The following SEL1L3 variants were observed in gnomAD, a reference collection of about 807,000 sequenced individuals.
SEL1L3 encodes SEL1L family member 3.
A neutral mutation model predicts 142.8 loss-of-function variants in SEL1L3; 76 were observed. That is an observed-to-expected ratio of 0.53 (90% CI 0.44 to 0.64). SEL1L3 has a LOEUF of 0.64. Ranked by LOEUF, SEL1L3 falls within the 30% of genes least tolerant of loss-of-function variation. The probability of loss-of-function intolerance (pLI) is 0.00; values close to 1 mark genes in which losing one functional copy is unlikely to be tolerated. For synonymous variants in SEL1L3, 504 were observed against 519.6 expected, an observed-to-expected ratio of 0.97 and a Z score of 0.41; for missense variants, 1,262 against 1,381.7, an observed-to-expected ratio of 0.91 and a Z score of 1.37.
chr4:25,815,308 G>A (rs553257165), intron 9 of SEL1L3, among the ~76,000 whole-genome samples: 6 of 152,302 alleles, frequency 3.9e-5, no homozygotes, highest in African/African-American at 7.2e-5. Context: ...GAAGTCTAAC[G>A]GAGGTCAGCA....
At chr4:25,829,384 A>AC (rs1339466433) in intron 6 of SEL1L3, among the ~76,000 whole-genome samples, 1 of 152,208 alleles carries the variant, frequency 6.6e-6, no homozygotes, top group Non-Finnish European at 1.5e-5. Flanking sequence ...TGCATTTATT[A>AC]CCCCAATAAA....
chr4:25,837,709 A>T (rs1301792281), intron 2 of SEL1L3, among the ~76,000 whole-genome samples: 1 of 152,134 alleles, frequency 6.6e-6, no homozygotes, highest in Non-Finnish European at 1.5e-5. Flanking sequence ...GGTAATGAAC[A>T]AGAATTAATT....
chr4:25,838,953 C>T lies in SEL1L3; in HGVS notation c.734-3630G>A, dbSNP rs117498100. 2.6e-4 allele frequency among the ~76,000 whole-genome samples: 40 copies of T among 152,284 alleles called. No homozygotes were observed. The East Asian group carries it at 6.2e-3, about 24-fold the overall frequency. On this transcript the variant is annotated intron_variant, in intron 2 of 23. Coordinates refer to ENST00000399878, the MANE Select transcript of SEL1L3 (RefSeq NM_015187.5). ...ACAAAACCCCACTCCAGATGTGCTT[C>T]GAACACACAGCAATGAAGCCACTGA...
At chr4:25,851,746 G>A (rs28545569) in intron 1 of SEL1L3, among the ~76,000 whole-genome samples, 19,176 of 151,800 alleles carry the variant, frequency 0.13, 4,065 homozygotes, top group African/African-American at 0.44. Flanking sequence ...AATATTAACC[G>A]GGCGTGGTGG....
chr4:25,791,037 G>A (rs1024265972), intron 11 of SEL1L3, among the ~76,000 whole-genome samples: 5 of 152,180 alleles, frequency 3.3e-5, no homozygotes, highest in Admixed American at 1.3e-4. Flanking sequence ...TTGAGAAACC[G>A]AAGTTATTTC....
the SEL1L3 span, among the ~76,000 whole-genome samples, chr4:25,725,943 C>T: frequency 6.6e-6 from 1 of 152,250 alleles, no homozygotes; most frequent in African/African-American, 2.4e-5. Flanking sequence ...CTACTGCATC[C>T]TGTTTTATCA....
intron 4 of SEL1L3, 40 bp from the exon 5 acceptor site, chr4:25,833,150 T>A (rs1204261294): frequency 1.8e-6 from 2 of 1,122,924 alleles, no homozygotes; most frequent in Non-Finnish European, 2.7e-6. Context: ...GAGCAAAAAA[T>A]ATCTACGAGT....
the SEL1L3 span, among the ~76,000 whole-genome samples, chr4:25,733,486 T>C: frequency 6.6e-6 from 1 of 151,704 alleles, no homozygotes; most frequent in Non-Finnish European, 1.5e-5. Flanking sequence ...GATAAGATCA[T>C]GTAGTTGTTA....
At chr4:25,758,457 C>A (rs144127101) in intron 21 of SEL1L3, among the ~76,000 whole-genome samples, 1 of 152,146 alleles carries the variant, frequency 6.6e-6, no homozygotes, top group Admixed American at 6.6e-5. Context: ...GGTGACAAAG[C>A]AAGGCCCTGT....
At chr4:25,797,056 G>A (rs1380056714) in intron 11 of SEL1L3, among the ~76,000 whole-genome samples, 1 of 151,198 alleles carries the variant, frequency 6.6e-6, no homozygotes, top group Non-Finnish European at 1.5e-5. Context: ...GAGAGAGAAA[G>A]AGGAGAGGGA....
At chr4:25,819,233 G>C (rs563305043) in intron 8 of SEL1L3, among the ~76,000 whole-genome samples, 1 of 152,192 alleles carries the variant, frequency 6.6e-6, no homozygotes, top group Non-Finnish European at 1.5e-5. Context: ...GTGAGTAAAA[G>C]GATGTCTGTG....
intron 10 of SEL1L3, among the ~76,000 whole-genome samples, chr4:25,802,767 G>C (rs895103006): frequency 2.6e-5 from 4 of 152,054 alleles, no homozygotes; most frequent in African/African-American, 9.7e-5. Flanking sequence ...GTTTTTAGTA[G>C]AGATGGGATT....
At chr4:25,811,541 A>T (rs1157394171) in intron 9 of SEL1L3, among the ~76,000 whole-genome samples, 1 of 152,218 alleles carries the variant, frequency 6.6e-6, no homozygotes, top group South Asian at 2.1e-4. Flanking sequence ...CTGGAAGTCA[A>T]ATTCCTCATT....
At chr4:25,821,708 C>T (rs1182191384) in intron 7 of SEL1L3, among the ~76,000 whole-genome samples, 1 of 152,200 alleles carries the variant, frequency 6.6e-6, no homozygotes, top group Non-Finnish European at 1.5e-5. Flanking sequence ...TTAGCTTAAT[C>T]GCTGGATAGG....
chr4:25,721,850 G>T, the SEL1L3 span, among the ~76,000 whole-genome samples: 1 of 152,190 alleles, frequency 6.6e-6, no homozygotes, highest in Admixed American at 6.5e-5. Flanking sequence ...TCGCCAGTGG[G>T]ATCTCAGTGG....
intron 9 of SEL1L3, 45 bp from the exon 10 acceptor site, chr4:25,804,797 G>A: frequency 7.3e-7 from 1 of 1,374,404 alleles, no homozygotes. Flanking sequence ...ATTACCATGG[G>A]ATCGATGTGG....
intron 16 of SEL1L3, among the ~76,000 whole-genome samples, chr4:25,778,048 T>A (rs995213319): frequency 6.6e-6 from 1 of 152,218 alleles, no homozygotes; most frequent in Non-Finnish European, 1.5e-5. Context: ...ACATTTCATC[T>A]ATGGGTCATG....
the SEL1L3 span, among the ~76,000 whole-genome samples, chr4:25,732,565 A>C: frequency 6.6e-6 from 1 of 152,180 alleles, no homozygotes; most frequent in Non-Finnish European, 1.5e-5. Context: ...TGAGGTTTTA[A>C]TTTTCATTGA....
intron 2 of SEL1L3, among the ~76,000 whole-genome samples, chr4:25,841,910 A>T (rs959633743): frequency 2.6e-5 from 4 of 152,172 alleles, no homozygotes; most frequent in Non-Finnish European, 4.4e-5. Context: ...CAGTGAGCTG[A>T]GATCGCGCCA....
Sources: gnomAD v4.1 joint callset for allele counts (sites outside exome capture counted in the v4.1 genomes callset) on GRCh38, gnomAD v4.1.1 for gene constraint, MANE v1.5 for transcripts, NCBI Gene and HGNC (gene_info 2026-07-23, HGNC 2026-07-21) for gene names.